IGFL2: variants seen among roughly 807,000 people sequenced by gnomAD.
IGFL2 encodes IGF like family member 2.
A neutral mutation model predicts 13.9 loss-of-function variants in IGFL2; 7 were observed. The ratio of observed to expected loss-of-function variants is 0.51; its 90% CI spans 0.29 to 0.95. The LOEUF (loss-of-function observed/expected upper bound fraction) is 0.95. Among genes scored for constraint, IGFL2 ranks in the 40% least tolerant of loss-of-function variants. The pLI is 0.08. For missense variants in IGFL2, 138 were observed against 147.8 expected (o/e 0.93, Z 0.34); for synonymous variants, 55 against 55.8 (o/e 0.99, Z 0.07).
the IGFL2 span, among the ~76,000 whole-genome samples, chr19:46,120,690 A>G: frequency 6.6e-6 from 1 of 151,188 alleles, no homozygotes; most frequent in Non-Finnish European, 1.5e-5. Context: ...AGTTTGGGAT[A>G]TGAATGAGAA....
At chr19:46,186,295 G>A in the IGFL2 span, among the ~76,000 whole-genome samples, 1 of 152,194 alleles carries the variant, frequency 6.6e-6, no homozygotes, top group Admixed American at 6.5e-5. Flanking sequence ...ACCTGGTGCC[G>A]TCCATGCCAC....
chr19:46,191,366 C>A, the IGFL2 span, among the ~76,000 whole-genome samples: 1 of 152,042 alleles, frequency 6.6e-6, no homozygotes, highest in Non-Finnish European at 1.5e-5. Context: ...ATTTTCCCTC[C>A]CAGGGCGGGG....
At chr19:46,177,778 G>C in the IGFL2 span, among the ~76,000 whole-genome samples, 1 of 152,116 alleles carries the variant, frequency 6.6e-6, no homozygotes, top group Non-Finnish European at 1.5e-5. Flanking sequence ...ATGCAGTGGG[G>C]CAGTGAGAGA....
intron 1 of IGFL2, chr19:46,148,890 C>A: frequency 6.5e-7 from 1 of 1,544,500 alleles, no homozygotes. Context: ...TCTGTTGGGA[C>A]TGTGATGAGG....
chr19:46,209,441 A>C, the IGFL2 span: 1 of 152,220 alleles, frequency 6.6e-6, no homozygotes, highest in Non-Finnish European at 1.5e-5. Context: ...AACATAGGAC[A>C]CACCATGTCC....
the IGFL2 span, among the ~76,000 whole-genome samples, chr19:46,202,057 G>A: frequency 1.3e-5 from 2 of 152,118 alleles, no homozygotes; most frequent in Non-Finnish European, 2.9e-5. Context: ...GCAGTGTGGG[G>A]AGGAGGGGAG....
At chr19:46,124,330 G>C in the IGFL2 span, 2 of 1,606,924 alleles carry the variant, frequency 1.2e-6, no homozygotes, top group South Asian at 2.2e-5. Context: ...AGCTAAGGGA[G>C]AAAGGAAAAA....
At chr19:46,084,363 T>C in the IGFL2 span, among the ~76,000 whole-genome samples, 1 of 152,240 alleles carries the variant, frequency 6.6e-6, no homozygotes, top group Middle Eastern at 3.2e-3. Flanking sequence ...TTTTGTCTGG[T>C]TGATCTGTCC....
chr19:46,168,985 A>G, the IGFL2 span, among the ~76,000 whole-genome samples: 1 of 151,138 alleles, frequency 6.6e-6, no homozygotes, highest in East Asian at 1.9e-4. Flanking sequence ...TTTGGAAACT[A>G]TGTGTTTGTT....
At chr19:46,129,654 A>G in the IGFL2 span, among the ~76,000 whole-genome samples, 4 of 152,056 alleles carry the variant, frequency 2.6e-5, no homozygotes, top group Non-Finnish European at 5.9e-5. Context: ...TTCAATTTCC[A>G]TGTAATTGTA....
At chr19:46,131,245 T>G in the IGFL2 span, among the ~76,000 whole-genome samples, 1 of 152,230 alleles carries the variant, frequency 6.6e-6, no homozygotes, top group Non-Finnish European at 1.5e-5. Context: ...TGATGGACTC[T>G]GTTCAATTGA....
At chr19:46,165,353 C>G (rs1974348373), downstream of IGFL2, among the ~76,000 whole-genome samples, 1 of 152,290 alleles carries the variant, frequency 6.6e-6, no homozygotes, top group African/African-American at 2.4e-5. Flanking sequence ...ACATATCATG[C>G]CTTACAGCAA....
the IGFL2 span, among the ~76,000 whole-genome samples, chr19:46,122,202 T>G: frequency 6.6e-6 from 1 of 151,046 alleles, no homozygotes; most frequent in African/African-American, 2.5e-5. Flanking sequence ...CATTGTTGAT[T>G]GTGATTCTCT....
chr19:46,078,696 G>C, the IGFL2 span, among the ~76,000 whole-genome samples: 2 of 152,206 alleles, frequency 1.3e-5, no homozygotes, highest in Admixed American at 6.5e-5. Context: ...TCCGTCAAAA[G>C]GCCTGTGACG....
upstream of IGFL2, among the ~76,000 whole-genome samples, chr19:46,141,064 A>G (rs990540557): frequency 6.6e-6 from 1 of 152,196 alleles, no homozygotes; most frequent in African/African-American, 2.4e-5. Flanking sequence ...ATCAGAGCCT[A>G]AGTGACCTGG....
At chr19:46,159,470 T>C (rs1017733908) in intron 1 of IGFL2, 1 of 152,198 alleles carries the variant, frequency 6.6e-6, no homozygotes, top group Admixed American at 6.5e-5. Flanking sequence ...AAAAAGGTTA[T>C]AGTATAAGGG....
At chr19:46,194,865 T>A in the IGFL2 span, among the ~76,000 whole-genome samples, 3,096 of 118,962 alleles carry the variant, frequency 0.026, 50 homozygotes, top group East Asian at 0.063. Context: ...TTTTTTTTTT[T>A]TTTTTTTTTT....
chr19:46,100,452 A>G, the IGFL2 span, among the ~76,000 whole-genome samples: 9 of 152,202 alleles, frequency 5.9e-5, no homozygotes. Context: ...TACAGTTTTC[A>G]TGCAAGTGAA....
chr19:46,179,731 C>A, the IGFL2 span, among the ~76,000 whole-genome samples: 2 of 152,048 alleles, frequency 1.3e-5, no homozygotes, highest in African/African-American at 4.8e-5. Context: ...GCTTGACCAA[C>A]GTGATGAAAC....
Sources: allele counts gnomAD v4.1 joint callset (sites outside exome capture counted in the v4.1 genomes callset), GRCh38; gene constraint gnomAD v4.1.1; transcripts MANE v1.5; gene names NCBI Gene and HGNC (gene_info 2026-07-23, HGNC 2026-07-21).